ABCA8: variants seen among roughly 807,000 people sequenced by gnomAD.
ABCA8 encodes ATP binding cassette subfamily A member 8.
ABCA8 carries 177 observed loss-of-function variants against 192.3 expected under a neutral mutation model. That is an observed-to-expected ratio of 0.92 (90% confidence interval 0.81 to 1.04). The LOEUF (loss-of-function observed/expected upper bound fraction) is 1.04. Among genes scored for constraint, ABCA8 ranks in the 50% least tolerant of loss-of-function variants. The pLI is 0.00. For synonymous variants in ABCA8, 642 were observed against 690.2 expected (o/e 0.93, Z 1.09); for missense variants, 1,915 against 1,904.8 (o/e 1.01, Z -0.10).
At chr17:68,882,756 C>G in intron 29 of ABCA8, 37 bp from the exon 30 acceptor site, 1 of 1,589,172 alleles carries the variant, frequency 6.3e-7, no homozygotes, top group Non-Finnish European at 8.6e-7. Flanking sequence ...TGATTTCTGG[C>G]TTTCATCTTT....
intron 23 of ABCA8, among the ~76,000 whole-genome samples, chr17:68,893,519 T>C (rs2143402061): frequency 6.6e-6 from 1 of 152,342 alleles, no homozygotes; most frequent in East Asian, 1.9e-4. Context: ...TGTCTTGAAT[T>C]TCTTTTGTAA....
At chr17:68,936,737 C>A (rs577360083) in intron 5 of ABCA8, among the ~76,000 whole-genome samples, 77 of 151,894 alleles carry the variant, frequency 5.1e-4, no homozygotes, top group African/African-American at 1.8e-3. Context: ...AAATATATAT[C>A]TATGTAAATG....
At chr17:68,933,991 C>T (rs141443670) in intron 5 of ABCA8, among the ~76,000 whole-genome samples, 2 of 152,190 alleles carry the variant, frequency 1.3e-5, no homozygotes, top group African/African-American at 4.8e-5. Context: ...CAATTAGAAT[C>T]TCTTGTGCAC....
At chr17:68,876,207 G>A (rs2143242579) in intron 35 of ABCA8, 1 of 557,124 alleles carries the variant, frequency 1.8e-6, no homozygotes, top group South Asian at 2.1e-5. Context: ...AAGATCAGCT[G>A]AGCGCTTATG....
intron 21 of ABCA8, 38 bp from the exon 22 acceptor site, chr17:68,895,051 A>G (rs1438145850): frequency 4.6e-6 from 7 of 1,528,700 alleles, no homozygotes; most frequent in Admixed American, 2.0e-5. Flanking sequence ...TCACAAAACT[A>G]AAAACATTAA....
chr17:68,882,712 G>C lies in ABCA8; in HGVS notation c.3715C>G (p.Pro1239Ala). The change falls in exon 30 of 40, where the codon CCA (proline) becomes GCA (alanine). Residue 1239 changes from proline to alanine, a missense_variant. Transcript: ENST00000586539. The stretch of plus-strand genomic sequence containing the variant: ...TTTTGACACACATCACTACTTCTTG[G>C]AGAAATTCTAGAGTCAAAACCATCC... Reference protein sequence around the residue: ...MRKDPFFRISPRSSDVCQNPE... With the variant: ...MRKDPFFRISARSSDVCQNPE... 1 of 1,610,042 alleles carries C rather than the reference G, an allele frequency of 6.2e-7. No individual in the cohort carries two copies. The highest frequency in any genetic ancestry group is 8.5e-7 in the Non-Finnish European group (1 of 1,178,670).
At chr17:68,878,359 A>G (rs2066258472) in intron 32 of ABCA8, 1 of 152,330 alleles carries the variant, frequency 6.6e-6, no homozygotes, top group Admixed American at 6.5e-5. Flanking sequence ...GAGCGAGACC[A>G]AAGCCCTGTG....
rs765226627 is a variant in ABCA8, at chr17:68,917,392, T to C, written c.2107A>G (p.Lys703Glu). 1.2e-6 allele frequency: 2 copies of C among 1,612,416 alleles called. No homozygotes were observed. The highest frequency in any genetic ancestry group is 1.7e-6 in the Non-Finnish European group (2 of 1,179,020). Residue 703 changes from lysine (K) to glutamate (E), a missense_variant, in exon 17 of 40, where the codon AAG becomes GAG. Transcript: ENST00000586539. ...TGATATCCAATCCCCCATTTCTTCTTTAGAAACAAAGAAGAGCCCGCGCAC... is the reference window on the plus strand; with the variant it reads ...TGATATCCAATCCCCCATTTCTTCTCTAGAAACAAAGAAGAGCCCGCGCAC... The part of the protein sequence containing the change: ...LKCAGSSLFL[K>E]KKWGIGYHLS...
chr17:68,929,703 C>A lies in ABCA8; in HGVS notation c.798-1G>T. ...AGCATAGAGCAAACCCCAGGAGAGC[C>A]TAATGTGGAAACAAAATGTTATTTT... is the stretch of plus-strand genomic sequence containing the variant. On this transcript the variant is annotated splice_acceptor_variant, in intron 7 of 39. Transcript: ENST00000586539. LOFTEE classifies it high-confidence loss of function. 1 of 1,592,096 alleles carries A rather than the reference C, an allele frequency of 6.3e-7. No individual in the cohort carries two copies. Among genetic ancestry groups the A allele is most frequent in the Non-Finnish European group, 8.5e-7 (1 of 1,173,154 alleles).
chr17:68,924,707 G>A lies in ABCA8; in HGVS notation c.1436C>T (p.Ala479Val), dbSNP rs545438229. The change falls in exon 11 of 40, where the codon GCC becomes GTC. Residue 479 changes from alanine to valine, a missense_variant. By Grantham distance (64) the Ala-to-Val change is moderately conservative. Transcript: ENST00000586539. ...CCACCTGCAGCCTTATTACCTGATG[G>A]CTTCTTTCCCTTGGAATTCTGGAGG... The part of the protein sequence containing the change: ...QAPPEFQGKE[A>V]IRIRNVTKEY... 3 of 1,612,582 alleles carry A rather than the reference G, an allele frequency of 1.9e-6. No individual in the cohort carries two copies. Among genetic ancestry groups the A allele is most frequent in the Admixed American group, 1.7e-5 (1 of 59,668 alleles).
At chr17:68,910,388 C>T (rs534899977) in intron 17 of ABCA8, among the ~76,000 whole-genome samples, 33 of 152,054 alleles carry the variant, frequency 2.2e-4, no homozygotes, top group Non-Finnish European at 3.2e-4. Context: ...TGACAAGCAA[C>T]GTAGGGCAGA....
At chr17:68,924,952 A>G in intron 10 of ABCA8, 83 bp from the exon 11 acceptor site, 1 of 1,432,110 alleles carries the variant, frequency 7.0e-7, no homozygotes, top group African/African-American at 1.4e-5. Context: ...ACGGCAACAC[A>G]GCCCTTTGTT....
At chr17:68,874,933 A>T (rs1331420066) in intron 37 of ABCA8, among the ~76,000 whole-genome samples, 3 of 152,220 alleles carry the variant, frequency 2.0e-5, no homozygotes, top group African/African-American at 7.2e-5. Context: ...TAAAGATAAT[A>T]ATCAATTTCA....
intron 1 of ABCA8, among the ~76,000 whole-genome samples, chr17:68,949,959 G>C (rs1406326597): frequency 6.6e-6 from 1 of 152,178 alleles, no homozygotes; most frequent in African/African-American, 2.4e-5. Flanking sequence ...TCAGGCAAGA[G>C]AAAGAAATAA....
chr17:68,901,711 C>T (rs779858768), intron 21 of ABCA8, among the ~76,000 whole-genome samples: 3 of 150,864 alleles, frequency 2.0e-5, no homozygotes, highest in Non-Finnish European at 4.4e-5. Context: ...GGTAGGCTGA[C>T]GCAGGAGAAT....
intron 21 of ABCA8, among the ~76,000 whole-genome samples, chr17:68,900,266 C>T (rs1005169185): frequency 6.6e-6 from 1 of 151,754 alleles, no homozygotes; most frequent in East Asian, 1.9e-4. Context: ...AAAAAGAGGG[C>T]ATGAATACCA....
intron 26 of ABCA8, among the ~76,000 whole-genome samples, chr17:68,885,938 T>C (rs1379729518): frequency 6.6e-6 from 1 of 152,104 alleles, no homozygotes; most frequent in Non-Finnish European, 1.5e-5. Context: ...AATTGATATC[T>C]AACAGGAATA....
At chr17:68,876,989 T>G (rs2066224414) in intron 33 of ABCA8, among the ~76,000 whole-genome samples, 1 of 152,088 alleles carries the variant, frequency 6.6e-6, no homozygotes. Context: ...TAATTACTTT[T>G]TAAATTTTAA....
rs1244650624 is a variant in ABCA8, at chr17:68,911,113, T to C, written c.2139-3234A>G. Among the ~76,000 whole-genome samples the C allele has an allele frequency of 2.0e-5, 3 of 151,964 alleles. No homozygotes were observed. Among genetic ancestry groups the C allele is most frequent in the African/African-American group, 7.3e-5 (3 of 41,370 alleles). ...AGCTTAGGTACCAGCTTAGCTACAG[T>C]GGAGTAGAGAGCACCAAGCGGACTC... On this transcript the variant is annotated intron_variant, in intron 17 of 39. Coordinates refer to ENST00000586539, the MANE Select transcript of ABCA8 (RefSeq NM_001288985.2). This position sits in a 1 kb window ranked among gnomAD's most constrained non-coding sequence, Gnocchi z 5.7.
Sources: allele counts gnomAD v4.1 joint callset (sites outside exome capture counted in the v4.1 genomes callset), GRCh38; gene constraint gnomAD v4.1.1; non-coding constraint Gnocchi (gnomAD v3.1); transcripts MANE v1.5; gene names NCBI Gene and HGNC (gene_info 2026-07-23, HGNC 2026-07-21).